CCT5: variants seen among roughly 807,000 people sequenced by gnomAD.
CCT5 encodes the protein T-complex protein 1 subunit epsilon.
In CCT5, 6 loss-of-function variants were observed where a neutral mutation model predicts 55.0. That is an observed-to-expected ratio of 0.11 (90% CI 0.06 to 0.22). CCT5 has a LOEUF of 0.22. Among genes scored for constraint, CCT5 ranks in the 10% least tolerant of loss-of-function variants. The pLI is 1.00. For synonymous variants in CCT5, 231 were observed against 243.7 expected, an observed-to-expected ratio of 0.95 and a Z score of 0.49; for missense variants, 560 against 694.6, an observed-to-expected ratio of 0.81 and a Z score of 2.18.
intron 10 of CCT5, among the ~76,000 whole-genome samples, chr5:10,263,763 G>A (rs150073305): frequency 3.9e-5 from 6 of 152,210 alleles, no homozygotes; most frequent in African/African-American, 1.4e-4. Context: ...CTCCCAAAAA[G>A]ATATGGTGGC....
Position 10,264,639 on chromosome 5 carries a change from G to A in CCT5, c.1499-17G>A. 2 of 1,521,318 alleles carry A rather than the reference G, an allele frequency of 1.3e-6. No homozygotes were observed. The highest frequency in any genetic ancestry group is 9.1e-7 in the Non-Finnish European group (1 of 1,095,750). The allele number at this position is 1,521,318 out of a possible 1,614,324, so 94.2% of individuals were successfully genotyped here. Reference sequence around the variant, plus strand: ...TGTATGCTATTTTAGGATAATCAGTGTCCTTGTATTTTTCAGATATGAAGC... The same window carrying A: ...TGTATGCTATTTTAGGATAATCAGTATCCTTGTATTTTTCAGATATGAAGC... On this transcript the variant is annotated splice_polypyrimidine_tract_variant and intron_variant, in intron 10 of 10. Transcript: ENST00000280326.
In CCT5 at chr5:10,265,903, A is replaced by G. The variant is rs1044108323; in HGVS notation, c.*1120A>G. On this transcript the variant is annotated 3_prime_UTR_variant, in exon 11 of 11. Coordinates refer to ENST00000280326, the MANE Select transcript of CCT5 (RefSeq NM_012073.5). ...TTAACTAGTCAGATTTCCTAGAATT[A>G]GGAAATGGTGACTCTTGTCTAAATT... is the stretch of plus-strand genomic sequence containing the variant. The G allele has an allele frequency of 6.6e-6, 1 of 152,212 alleles. No individual in the cohort carries two copies. Among genetic ancestry groups the G allele is most frequent in the African/African-American group, 2.4e-5 (1 of 41,448 alleles). 9.4% of individuals were successfully genotyped at this position (152,212 alleles called of 1,614,324 possible). A position where few individuals can be genotyped will look rare whatever the true frequency, so the allele number is the denominator to read the frequency against.
chr5:10,251,691 G>A (rs1351625362), intron 1 of CCT5, among the ~76,000 whole-genome samples: 6 of 152,188 alleles, frequency 3.9e-5, no homozygotes, highest in Admixed American at 3.9e-4. Context: ...ATTAAATGGA[G>A]TGACTTAGAG....
At chr5:10,251,671 T>G (rs1234607745) in intron 1 of CCT5, among the ~76,000 whole-genome samples, 2 of 152,078 alleles carry the variant, frequency 1.3e-5, no homozygotes, top group East Asian at 3.9e-4. Context: ...GCTGAAGACT[T>G]GACAGTGATA....
intron 6 of CCT5, among the ~76,000 whole-genome samples, chr5:10,259,610 G>C (rs1173775464): frequency 6.6e-6 from 1 of 152,244 alleles, no homozygotes; most frequent in Non-Finnish European, 1.5e-5. Context: ...CAGTGCCCCT[G>C]GGGGAGGAGC....
rs113598637 is a variant in CCT5 at position 10,254,748 on chromosome 5, A to G, written c.241A>G (p.Met81Val). ...TNDGATILSM[M>V]DVDHQIAKLM... Reference sequence around the variant, plus strand: ...TGATGGGGCCACCATCTTAAGCATGATGGATGTTGATCATCAGATTGCCAA... The same window carrying G: ...TGATGGGGCCACCATCTTAAGCATGGTGGATGTTGATCATCAGATTGCCAA... Residue 81 changes from methionine (M) to valine (V), a missense_variant, in exon 3 of 11, where the codon ATG becomes GTG. Physicochemically the swap from Met to Val is conservative, Grantham distance 21. Transcript: ENST00000280326. The G allele has an allele frequency of 6.2e-7, 1 of 1,613,036 alleles. No homozygotes were observed. Among genetic ancestry groups the G allele is most frequent in the Non-Finnish European group, 8.5e-7 (1 of 1,179,000 alleles).
chr5:10,257,924 G>A, intron 4 of CCT5, 187 bp from the exon 5 acceptor site: 1 of 652,936 alleles, frequency 1.5e-6, no homozygotes, highest in Non-Finnish European at 2.7e-6. Context: ...GTCCCCTTTA[G>A]GGCCCATGGA....
At chr5:10,251,938 T>C (rs568718188) in intron 1 of CCT5, among the ~76,000 whole-genome samples, 4 of 152,348 alleles carry the variant, frequency 2.6e-5, no homozygotes, top group African/African-American at 9.6e-5. Flanking sequence ...TCGCACACTC[T>C]GAGACAGGGT....
chr5:10,256,981 C>T (rs767281417), intron 4 of CCT5, among the ~76,000 whole-genome samples: 10 of 152,124 alleles, frequency 6.6e-5, no homozygotes, highest in Non-Finnish European at 1.0e-4. Flanking sequence ...CCAAGGGGTG[C>T]GCTGATTATG....
Position 10,261,611 on chromosome 5 carries a change from A to G in CCT5, c.1045A>G (p.Thr349Ala), listed in dbSNP as rs1016532745. 2 of 1,613,812 alleles carry G rather than the reference A, an allele frequency of 1.2e-6. No homozygotes were observed. Among genetic ancestry groups the G allele is most frequent in the Middle Eastern group, 1.6e-4 (1 of 6,062 alleles). The change falls in exon 8 of 11, where the codon ACA (threonine) becomes GCA (alanine). Residue 349 changes from threonine (T) to alanine (A), a missense_variant. Coordinates refer to ENST00000280326, the MANE Select transcript of CCT5 (RefSeq NM_012073.5). The stretch of plus-strand genomic sequence containing the variant: ...GATCGTCCCCAGGTTCTCAGAGCTC[A>G]CAGCCGAGAAGCTGGGCTTTGCTGG... ...GRIVPRFSEL[T>A]AEKLGFAGLV...
chr5:10,255,049 G>A, intron 3 of CCT5: 3 of 582,584 alleles, frequency 5.1e-6, no homozygotes, highest in South Asian at 2.0e-5. Context: ...TAGGCATGGA[G>A]AAATGTGTAA....
rs147730243 is a variant in CCT5, at chr5:10,253,878, G to T, written c.106-267G>T. On this transcript the variant is annotated intron_variant, in intron 1 of 10. Transcript: ENST00000280326. ...TGTCCCTCTTCTCAGCTGTAAATGGGCTGGTAAAAGAATCTGTCTCATTAA... is the reference window on the plus strand; with the variant it reads ...TGTCCCTCTTCTCAGCTGTAAATGGTCTGGTAAAAGAATCTGTCTCATTAA... Among the ~76,000 whole-genome samples the T allele has an allele frequency of 9.5e-3, 1,447 of 152,300 alleles. 23 individuals are homozygous for T. The highest frequency in any genetic ancestry group is 0.032 in the African/African-American group (1,341 of 41,550).
At chr5:10,250,004 A>G (rs1429857566), upstream of CCT5, 8 of 1,543,982 alleles carry the variant, frequency 5.2e-6, no homozygotes, top group African/African-American at 1.4e-5. Context: ...CTTTAAGTCA[A>G]TGAATTCCTC....
chr5:10,261,248 C>T, intron 7 of CCT5: 2 of 494,890 alleles, frequency 4.0e-6, no homozygotes, highest in Non-Finnish European at 7.3e-6. Context: ...CAGCGCAGTG[C>T]AAGGAACATG....
At chr5:10,249,959 T>TC (rs770694124), upstream of CCT5, 14 of 1,388,020 alleles carry the variant, frequency 1.0e-5, no homozygotes, top group Non-Finnish European at 1.4e-5. Flanking sequence ...TACCATCTTC[T>TC]CGGAGCCGGA....
In CCT5 at chr5:10,250,317, G is replaced by C; in HGVS notation, c.-24G>C. 1 of 1,613,890 alleles carries C rather than the reference G, an allele frequency of 6.2e-7. No individual in the cohort carries two copies. Among genetic ancestry groups the C allele is most frequent in the Non-Finnish European group, 8.5e-7 (1 of 1,180,020 alleles). On this transcript the variant is annotated 5_prime_UTR_variant, in exon 1 of 11. Transcript: ENST00000280326. ...CCGTAGCGGTCTCCGCCGGTTGGGGGGAAGTAATTCCGGTTGTTGCACCAT... is the reference window on the plus strand; with the variant it reads ...CCGTAGCGGTCTCCGCCGGTTGGGGCGAAGTAATTCCGGTTGTTGCACCAT...
chr5:10,258,557 A>AGT (rs1157318515), intron 6 of CCT5, 22 bp downstream of exon 6: 2 of 1,605,740 alleles, frequency 1.2e-6, no homozygotes, highest in South Asian at 2.2e-5. Flanking sequence ...CAGAGTCCTC[A>AGT]GTGGAATTTA....
intron 6 of CCT5, 46 bp downstream of exon 6, chr5:10,258,581 T>C: frequency 6.5e-7 from 1 of 1,543,728 alleles, no homozygotes; most frequent in Non-Finnish European, 9.0e-7. Flanking sequence ...TCCCAAAGGG[T>C]ACAGTTAGTT....
rs774357105 is a variant in CCT5, at chr5:10,250,289, C to T, written c.-52C>T. On this transcript the variant is annotated 5_prime_UTR_variant, in exon 1 of 11. Transcript: ENST00000280326. ...CCCGAGAAAGGGAAGTGCATTCTCG[C>T]TTCCGTAGCGGTCTCCGCCGGTTGG... The T allele has an allele frequency of 1.1e-5, 18 of 1,612,972 alleles. No individual in the cohort carries two copies. The highest frequency in any genetic ancestry group is 1.5e-5 in the Non-Finnish European group (18 of 1,179,704).
Sources: allele counts gnomAD v4.1 joint callset (sites outside exome capture counted in the v4.1 genomes callset), GRCh38; gene constraint gnomAD v4.1.1; transcripts MANE v1.5; gene names NCBI Gene and HGNC (gene_info 2026-07-23, HGNC 2026-07-21).